MYO18B: variants seen among roughly 807,000 people sequenced by gnomAD.
The protein encoded by MYO18B is unconventional myosin-XVIIIb.
In MYO18B, 204 loss-of-function variants were observed where a neutral mutation model predicts 273.0. The observed-to-expected ratio is 0.75, with a 90% CI of 0.67 to 0.84. The LOEUF is 0.84. MYO18B is among the 40% of genes least tolerant of loss of function. The probability of loss-of-function intolerance (pLI) is 0.00; values close to 1 mark genes in which losing one functional copy is unlikely to be tolerated. For missense variants in MYO18B, 3,212 were observed against 3,287.6 expected (o/e 0.98, Z 0.56); for synonymous variants, 1,330 against 1,305.7 (o/e 1.02, Z -0.40).
At chr22:25,918,893 A>G (rs1313520159) in intron 33 of MYO18B, among the ~76,000 whole-genome samples, 5 of 152,220 alleles carry the variant, frequency 3.3e-5, no homozygotes, top group African/African-American at 1.2e-4. Flanking sequence ...TGCAGTAGTT[A>G]CAGACTTACA....
chr22:26,048,668 G>A, the MYO18B span, among the ~76,000 whole-genome samples: 1 of 152,022 alleles, frequency 6.6e-6, no homozygotes, highest in Admixed American at 6.6e-5. Context: ...GATGCTCAAG[G>A]AGTATTTGCT....
intron 34 of MYO18B, among the ~76,000 whole-genome samples, chr22:25,929,972 G>A (rs2146495656): frequency 6.6e-6 from 1 of 152,136 alleles, no homozygotes; most frequent in South Asian, 2.1e-4. Flanking sequence ...TTCTTCCCTT[G>A]ACCTACACGG....
intron 41 of MYO18B, among the ~76,000 whole-genome samples, chr22:26,003,735 C>T (rs943402469): frequency 1.3e-5 from 2 of 152,142 alleles, no homozygotes; most frequent in Non-Finnish European, 1.5e-5. Context: ...CCTGCGTGGC[C>T]AAACCCTAAC....
At chr22:25,748,006 C>T (rs1189774842) in intron 1 of MYO18B, among the ~76,000 whole-genome samples, 1 of 152,124 alleles carries the variant, frequency 6.6e-6, no homozygotes, top group African/African-American at 2.4e-5. Context: ...CTGTGTGTAC[C>T]CTCATCAACC....
At chr22:26,021,509 A>G (rs1935815152) in intron 42 of MYO18B, among the ~76,000 whole-genome samples, 1 of 152,192 alleles carries the variant, frequency 6.6e-6, no homozygotes, top group African/African-American at 2.4e-5. Flanking sequence ...CACTCACTCA[A>G]CACAAATTCA....
chr22:25,761,867 T>A (rs1431239073), intron 2 of MYO18B, among the ~76,000 whole-genome samples: 1 of 152,090 alleles, frequency 6.6e-6, no homozygotes, highest in African/African-American at 2.4e-5. Flanking sequence ...CTCACGCCTG[T>A]AATCCCAGTA....
chr22:25,824,276 A>G (rs893445911), intron 13 of MYO18B, among the ~76,000 whole-genome samples: 1 of 152,026 alleles, frequency 6.6e-6, no homozygotes. Context: ...TCACCAGGTG[A>G]TAGGTGGTGG....
intron 20 of MYO18B, among the ~76,000 whole-genome samples, chr22:25,849,278 A>G (rs2090350315): frequency 6.6e-6 from 1 of 152,242 alleles, no homozygotes; most frequent in African/African-American, 2.4e-5. Flanking sequence ...TAGCTCAGCC[A>G]TGATGAGCTT....
chr22:25,901,076 T>G (rs1213205077), intron 29 of MYO18B: 2 of 152,174 alleles, frequency 1.3e-5, no homozygotes, highest in Non-Finnish European at 2.9e-5. Context: ...ATGCTTCCAT[T>G]CAGAGGCAGC....
At chr22:25,822,783 A>G (rs1372784583) in intron 12 of MYO18B, among the ~76,000 whole-genome samples, 1 of 152,280 alleles carries the variant, frequency 6.6e-6, no homozygotes, top group Non-Finnish European at 1.5e-5. Context: ...AGGGGTCCGC[A>G]TGAAGAGGTC....
intron 36 of MYO18B, among the ~76,000 whole-genome samples, chr22:25,949,413 C>T (rs765894840): frequency 3.9e-5 from 6 of 152,150 alleles, no homozygotes; most frequent in Non-Finnish European, 8.8e-5. Context: ...ATGGGTGAAA[C>T]AGAAGCTTTG....
In MYO18B at chr22:25,992,483, G is replaced by C; in HGVS notation, c.6277G>C (p.Asp2093His). 6.2e-7 allele frequency: 1 copy of C among 1,613,978 alleles called. No individual in the cohort carries two copies. The highest frequency in any genetic ancestry group is 8.5e-7 in the Non-Finnish European group (1 of 1,179,890). Residue 2093 changes from aspartate (D) to histidine (H), a missense_variant, in exon 40 of 44, where the codon GAT (aspartate) becomes CAT (histidine). Coordinates refer to ENST00000335473, the MANE Select transcript of MYO18B (RefSeq NM_032608.7). ...ALEEVASSDS[D>H]TESVQTAVDC... is the part of the protein sequence containing the mutation. ...GGAAGAAGTGGCATCCAGTGACAGT[G>C]ATACTGAGAGGTAACTTGCTAGGGG...
At position 25,952,360 on chromosome 22, in the gene MYO18B, G is replaced by A; in HGVS notation, c.5907G>A (p.Glu1969=). 1 of 1,612,796 alleles carries A rather than the reference G, an allele frequency of 6.2e-7. No individual in the cohort carries two copies. Among genetic ancestry groups the A allele is most frequent in the East Asian group, 2.2e-5 (1 of 44,858 alleles). Residue 1969 remains glutamate, a synonymous_variant, in exon 38 of 44, where the codon GAG becomes GAA. Transcript: ENST00000335473. ...ATCGAGCCATCGTCAGCAGGCAGGAGGCGGTCATCTGTGACCTAGAGAACA... is the reference window on the plus strand; with the variant it reads ...ATCGAGCCATCGTCAGCAGGCAGGAAGCGGTCATCTGTGACCTAGAGAACA... The part of the protein sequence containing the change: ...TVDRAIVSRQ[E]AVICDLENKT...
At chr22:26,055,373 T>G in the MYO18B span, among the ~76,000 whole-genome samples, 1 of 152,192 alleles carries the variant, frequency 6.6e-6, no homozygotes, top group African/African-American at 2.4e-5. Context: ...GTTCTGGTCT[T>G]GGCTGGGATT....
chr22:25,911,116 A>C, intron 33 of MYO18B, 66 bp downstream of exon 33: 40 of 1,208,998 alleles, frequency 3.3e-5, no homozygotes, highest in Non-Finnish European at 4.4e-5. Context: ...AGATGGGCTC[A>C]TGGAGAGAAC....
chr22:25,887,324 C>A (rs2091529922), intron 25 of MYO18B, among the ~76,000 whole-genome samples: 1 of 152,198 alleles, frequency 6.6e-6, no homozygotes, highest in Non-Finnish European at 1.5e-5. Flanking sequence ...CAGCATTTAA[C>A]ATCCGTGAAA....
intron 25 of MYO18B, among the ~76,000 whole-genome samples, chr22:25,882,385 T>C (rs905203853): frequency 1.5e-4 from 22 of 151,070 alleles, no homozygotes; most frequent in African/African-American, 5.4e-4. Context: ...ACCTGTTACA[T>C]GAGATAAGAG....
At chr22:25,877,116 G>A in intron 24 of MYO18B, 1 of 152,344 alleles carries the variant, frequency 6.6e-6, no homozygotes, top group Non-Finnish European at 1.5e-5. Context: ...CCAGTCTCAG[G>A]CAAAGCAAGG....
intron 12 of MYO18B, among the ~76,000 whole-genome samples, chr22:25,803,038 T>C (rs1467607500): frequency 6.6e-6 from 1 of 151,434 alleles, no homozygotes; most frequent in Non-Finnish European, 1.5e-5. Flanking sequence ...CTCTGCTCAC[T>C]GCAAGCTCTG....
Sources: allele counts gnomAD v4.1 joint callset (sites outside exome capture counted in the v4.1 genomes callset), GRCh38; gene constraint gnomAD v4.1.1; transcripts MANE v1.5; gene names NCBI Gene and HGNC (gene_info 2026-07-23, HGNC 2026-07-21).